GPATCH2: variants seen among roughly 807,000 people sequenced by gnomAD.
The protein encoded by GPATCH2 is G-patch domain containing 2.
A neutral mutation model predicts 58.0 loss-of-function variants in GPATCH2; 51 were observed. The observed-to-expected ratio is 0.88, with a 90% confidence interval of 0.70 to 1.11. GPATCH2 has a LOEUF of 1.11. GPATCH2 is among the 50% of genes most tolerant of loss of function. The pLI is 0.00. For missense variants in GPATCH2, 625 were observed against 652.2 expected (o/e 0.96, Z 0.45); for synonymous variants, 222 against 218.5 (o/e 1.02, Z -0.14).
intron 2 of GPATCH2, among the ~76,000 whole-genome samples, chr1:217,615,604 C>T (rs1424017483): frequency 6.6e-6 from 1 of 152,082 alleles, no homozygotes; most frequent in African/African-American, 2.4e-5. Flanking sequence ...GTCTCATATA[C>T]ACCTCAGGTC....
chr1:217,555,114 T>C (rs1254724857), intron 5 of GPATCH2, among the ~76,000 whole-genome samples: 1 of 152,204 alleles, frequency 6.6e-6, no homozygotes, highest in African/African-American at 2.4e-5. Context: ...ATTCTCACTG[T>C]TAATGGATTT....
intron 8 of GPATCH2, among the ~76,000 whole-genome samples, chr1:217,483,834 A>G (rs1661328248): frequency 6.6e-6 from 1 of 152,102 alleles, no homozygotes; most frequent in African/African-American, 2.4e-5. Flanking sequence ...TTGATTTCTT[A>G]TTACTGAGTT....
At position 217,620,016 on chromosome 1, in the gene GPATCH2, T is replaced by C; in HGVS notation, c.540A>G (p.Thr180=). 1 of 1,614,096 alleles carries C rather than the reference T, an allele frequency of 6.2e-7. No individual in the cohort carries two copies. The highest frequency in any genetic ancestry group is 8.5e-7 in the Non-Finnish European group (1 of 1,179,980). ...DLPQDISNKR[T]MTQPPEGCRD... Reference sequence around the variant, plus strand: ...TACAACCCTCAGGTGGCTGGGTCATTGTCCGTTTGTTAGAGATGTCCTGTG... The same window carrying C: ...TACAACCCTCAGGTGGCTGGGTCATCGTCCGTTTGTTAGAGATGTCCTGTG... The change falls in exon 2 of 10, where the codon ACA becomes ACG. Residue 180 remains threonine, a synonymous_variant. Transcript: ENST00000366935.
intron 9 of GPATCH2, among the ~76,000 whole-genome samples, chr1:217,445,270 A>T (rs531552121): frequency 3.9e-5 from 6 of 152,270 alleles, no homozygotes; most frequent in South Asian, 2.1e-4. Context: ...TTAATTGTGG[A>T]TAACATTGAA....
chr1:217,493,985 T>C (rs1391509046), intron 7 of GPATCH2, among the ~76,000 whole-genome samples: 1 of 152,134 alleles, frequency 6.6e-6, no homozygotes, highest in African/African-American at 2.4e-5. Context: ...ATTTATAGTT[T>C]AGTTTTGAAA....
At position 217,496,992 on chromosome 1, in the gene GPATCH2, C is replaced by T. The variant is rs192277014; in HGVS notation, c.1206+1364G>A. Among the ~76,000 whole-genome samples the T allele has an allele frequency of 4.6e-5, 7 of 152,200 alleles. No homozygotes were observed. The East Asian group carries it at 1.4e-3, about 29-fold the overall frequency. On this transcript the variant is annotated intron_variant, in intron 7 of 9. Coordinates refer to ENST00000366935, the MANE Select transcript of GPATCH2 (RefSeq NM_018040.5). ...AAGATAAAAAAAAATTGGTCAATTT[C>T]TTCCCTATAAGGTATTAGCTATTAA...
chr1:217,568,937 T>C lies in GPATCH2; in HGVS notation c.1098+41384A>G, dbSNP rs1558491609. Among the ~76,000 whole-genome samples the C allele has an allele frequency of 3.3e-5, 5 of 152,140 alleles. No homozygotes were observed. In the South Asian group the frequency reaches 1.0e-3, roughly 32 times the overall value. ...ATGTAGTGGTGCTAGAACAAGAAGG[T>C]GGAGCTGAAGGTGATAAGAAGGGAT... On this transcript the variant is annotated intron_variant, in intron 5 of 9. Transcript: ENST00000366935.
intron 5 of GPATCH2, among the ~76,000 whole-genome samples, chr1:217,538,591 C>A (rs1005306188): frequency 6.6e-6 from 1 of 152,164 alleles, no homozygotes; most frequent in Admixed American, 6.5e-5. Flanking sequence ...CTACTGTAAT[C>A]GTTTCCAGTC....
intron 9 of GPATCH2, among the ~76,000 whole-genome samples, chr1:217,445,305 A>T (rs1659335801): frequency 6.6e-6 from 1 of 152,106 alleles, no homozygotes; most frequent in Non-Finnish European, 1.5e-5. Context: ...AGTGGACAAA[A>T]TTTTTTAAAA....
intron 5 of GPATCH2, among the ~76,000 whole-genome samples, chr1:217,578,182 C>A (rs1048858428): frequency 6.6e-6 from 1 of 151,724 alleles, no homozygotes; most frequent in Non-Finnish European, 1.5e-5. Context: ...CACCAAGACA[C>A]AAAAAGGTAG....
At chr1:217,597,642 A>G (rs534934776) in intron 5 of GPATCH2, among the ~76,000 whole-genome samples, 2 of 152,324 alleles carry the variant, frequency 1.3e-5, no homozygotes, top group East Asian at 3.9e-4. Context: ...AACTGATTAT[A>G]TGAAAATGTT....
Position 217,517,576 on chromosome 1 carries a change from A to G in GPATCH2, c.1099-2687T>C, listed in dbSNP as rs114953376. Among the ~76,000 whole-genome samples, 1,342 of 152,254 alleles carry G rather than the reference A, an allele frequency of 8.8e-3. 8 individuals carry two copies. The highest frequency in any genetic ancestry group is 0.045 in the Middle Eastern group (13 of 292). On this transcript the variant is annotated intron_variant, in intron 5 of 9. Transcript: ENST00000366935. ...CTACTTCAAAATATTATAAAACTTC[A>G]AGGAACATACTTAAGGAATTCTTTC...
intron 4 of GPATCH2, 128 bp downstream of exon 4, chr1:217,610,761 C>G (rs1213212062): frequency 2.4e-5 from 15 of 626,684 alleles, no homozygotes; most frequent in Non-Finnish European, 3.8e-5. Context: ...TATTAGTGGC[C>G]AATATGTTTC....
intron 8 of GPATCH2, among the ~76,000 whole-genome samples, chr1:217,454,355 T>C (rs970304679): frequency 7.2e-5 from 11 of 151,962 alleles, no homozygotes; most frequent in Admixed American, 2.0e-4. Flanking sequence ...CTTGGGAGGC[T>C]GAGGTGGGCG....
chr1:217,552,416 T>C (rs909677773), intron 5 of GPATCH2, among the ~76,000 whole-genome samples: 1 of 152,144 alleles, frequency 6.6e-6, no homozygotes. Context: ...TGTGGCCTAA[T>C]ACAAATTCAA....
At chr1:217,601,173 A>T (rs766711428) in intron 5 of GPATCH2, among the ~76,000 whole-genome samples, 1 of 152,176 alleles carries the variant, frequency 6.6e-6, no homozygotes, top group Non-Finnish European at 1.5e-5. Context: ...CGAAGTTCTT[A>T]CATATTAAAT....
intron 5 of GPATCH2, among the ~76,000 whole-genome samples, chr1:217,536,777 C>G (rs1003255901): frequency 2.0e-5 from 3 of 152,128 alleles, no homozygotes; most frequent in Non-Finnish European, 4.4e-5. Context: ...GAGTTTGAGA[C>G]CAGCCTGACC....
At chr1:217,591,740 C>G (rs1419528638) in intron 5 of GPATCH2, among the ~76,000 whole-genome samples, 3 of 151,938 alleles carry the variant, frequency 2.0e-5, no homozygotes, top group Non-Finnish European at 2.9e-5. Flanking sequence ...TATAAGATAA[C>G]TAGAAGAAAT....
intron 5 of GPATCH2, among the ~76,000 whole-genome samples, chr1:217,586,076 G>A (rs893442325): frequency 6.6e-6 from 1 of 152,196 alleles, no homozygotes; most frequent in African/African-American, 2.4e-5. Flanking sequence ...CTGGGTTAGT[G>A]AGTGAGGGAG....
Sources: allele counts gnomAD v4.1 joint callset (sites outside exome capture counted in the v4.1 genomes callset), GRCh38; gene constraint gnomAD v4.1.1; transcripts MANE v1.5; gene names NCBI Gene and HGNC (gene_info 2026-07-23, HGNC 2026-07-21).